ESRP1: variants seen among roughly 807,000 people sequenced by gnomAD.
The protein encoded by ESRP1 is epithelial splicing regulatory protein 1.
ESRP1 carries 33 observed loss-of-function variants against 81.7 expected under a neutral mutation model. That is an observed-to-expected ratio of 0.40 (90% CI 0.31 to 0.54). The LOEUF is 0.54. Among genes scored for constraint, ESRP1 ranks in the 20% least tolerant of loss-of-function variants. The pLI, the probability that ESRP1 is intolerant of heterozygous loss-of-function variation, is 0.41. For synonymous variants in ESRP1, 320 were observed against 303.3 expected, an observed-to-expected ratio of 1.06 and a Z score of -0.57; for missense variants, 672 against 833.1, an observed-to-expected ratio of 0.81 and a Z score of 2.38.
chr8:94,685,077 G>A (rs915824802), intron 13 of ESRP1, among the ~76,000 whole-genome samples: 2 of 151,194 alleles, frequency 1.3e-5, no homozygotes, highest in Non-Finnish European at 2.9e-5. Flanking sequence ...AATTGTGAAT[G>A]TTATCAATAC....
intron 10 of ESRP1, among the ~76,000 whole-genome samples, chr8:94,669,661 T>G (rs1819207744): frequency 6.6e-6 from 1 of 150,848 alleles, no homozygotes; most frequent in Non-Finnish European, 1.5e-5. Flanking sequence ...AGCTCAGGAG[T>G]TCAAAACCAG....
rs748797358 is a variant in ESRP1 at position 94,665,207 on chromosome 8, T to C, written c.931+11T>C. The C allele has an allele frequency of 6.2e-7, 1 of 1,611,028 alleles. No homozygotes were observed. On this transcript the variant is annotated intron_variant, in intron 9 of 15. Coordinates refer to ENST00000433389, the MANE Select transcript of ESRP1 (RefSeq NM_017697.4). ...TTAAAATTGCTGGTGGTAAGTGCCTTTTACATAATGTGGCTTTAGTTAATA... is the reference window on the plus strand; with the variant it reads ...TTAAAATTGCTGGTGGTAAGTGCCTCTTACATAATGTGGCTTTAGTTAATA...
At chr8:94,687,400 T>C (rs6471458) in intron 13 of ESRP1, among the ~76,000 whole-genome samples, 7,621 of 152,256 alleles carry the variant, frequency 0.05, 599 homozygotes, top group African/African-American at 0.17. Flanking sequence ...AACATATGCA[T>C]TCATGTTTCT....
chr8:94,683,970 C>T (rs1342767366), intron 13 of ESRP1, among the ~76,000 whole-genome samples: 2 of 152,168 alleles, frequency 1.3e-5, no homozygotes, highest in Non-Finnish European at 2.9e-5. Context: ...GCCGCAGCCT[C>T]CCGAGTAGCT....
At chr8:94,660,354 C>A (rs1818655732) in intron 4 of ESRP1, among the ~76,000 whole-genome samples, 1 of 152,180 alleles carries the variant, frequency 6.6e-6, no homozygotes, top group South Asian at 2.1e-4. Flanking sequence ...GTAATCCCAG[C>A]CCTTGGGCAG....
intron 13 of ESRP1, among the ~76,000 whole-genome samples, chr8:94,680,279 T>G (rs1202717879): frequency 1.3e-5 from 2 of 152,182 alleles, no homozygotes; most frequent in Non-Finnish European, 1.5e-5. Context: ...GTTATTTTAT[T>G]TTACATTTCC....
At position 94,643,541 on chromosome 8, in the gene ESRP1, G is replaced by A. The variant is rs990157857; in HGVS notation, c.375+125G>A. The A allele has an allele frequency of 2.0e-4, 119 of 607,642 alleles. 1 individual carries two copies. The highest frequency in any genetic ancestry group is 3.2e-4 in the Non-Finnish European group (108 of 342,576). 37.6% of individuals were successfully genotyped at this position (607,642 alleles called of 1,614,324 possible). Reference sequence around the variant, plus strand: ...AGATGCATATAGGGAGTTATTTAATGAGTACAGAATTTCAGTTTGGGAAGA... The same window carrying A: ...AGATGCATATAGGGAGTTATTTAATAAGTACAGAATTTCAGTTTGGGAAGA... On this transcript the variant is annotated intron_variant, in intron 3 of 15. Transcript: ENST00000433389.
chr8:94,662,475 G>T, intron 5 of ESRP1, 26 bp from the exon 6 acceptor site: 1 of 1,588,822 alleles, frequency 6.3e-7, no homozygotes, highest in South Asian at 1.2e-5. Flanking sequence ...TCACTAAAAT[G>T]ATGACTTTTA....
In ESRP1 at chr8:94,646,911, A is replaced by C. The variant is rs1817884699; in HGVS notation, c.490+629A>C. ...AATCATGAATGACCCGTCATCTTACATTCATTAAGTCTTTCAAATGCTAAC... is the reference window on the plus strand; with the variant it reads ...AATCATGAATGACCCGTCATCTTACCTTCATTAAGTCTTTCAAATGCTAAC... On this transcript the variant is annotated intron_variant, in intron 4 of 15. Transcript: ENST00000433389. Among the ~76,000 whole-genome samples, 3 of 152,228 alleles carry C rather than the reference A, an allele frequency of 2.0e-5. No individual in the cohort carries two copies. The South Asian group carries it at 6.2e-4, about 31-fold the overall frequency.
At chr8:94,668,852 G>A (rs1009738057) in intron 10 of ESRP1, among the ~76,000 whole-genome samples, 1 of 141,108 alleles carries the variant, frequency 7.1e-6, no homozygotes, top group Non-Finnish European at 1.5e-5. Context: ...GAGTGCAGTG[G>A]CGCAATCTCT....
At position 94,662,566 on chromosome 8, in the gene ESRP1, G is replaced by A; in HGVS notation, c.644+11G>A. 1 of 1,581,790 alleles carries A rather than the reference G, an allele frequency of 6.3e-7. No homozygotes were observed. Among genetic ancestry groups the A allele is most frequent in the Non-Finnish European group, 8.6e-7 (1 of 1,161,406 alleles). On this transcript the variant is annotated intron_variant, in intron 6 of 15. Coordinates refer to ENST00000433389, the MANE Select transcript of ESRP1 (RefSeq NM_017697.4). ...TGAAAGTGGAACTTGGTAAGTGCTT[G>A]AGTACTATTTATTTGAGCTTTTTAA...
chr8:94,641,997 G>T lies in ESRP1; in HGVS notation c.174G>T (p.Leu58Phe), dbSNP rs977591623. 2 of 1,614,014 alleles carry T rather than the reference G, an allele frequency of 1.2e-6. No homozygotes were observed. Among genetic ancestry groups the T allele is most frequent in the South Asian group, 1.1e-5 (1 of 91,086 alleles). ...AAGTGCTAGTTAGACCGGATCAGTT[G>T]GAACTGACGGAGGACTGCAAAGAAG... ...LHEVLVRPDQ[L>F]ELTEDCKEET... Residue 58 changes from leucine to phenylalanine, a missense_variant, in exon 2 of 16, where the codon TTG becomes TTT. Transcript: ENST00000433389.
chr8:94,694,918 C>G (rs1043988321), intron 14 of ESRP1, among the ~76,000 whole-genome samples: 4 of 152,216 alleles, frequency 2.6e-5, no homozygotes, highest in African/African-American at 9.6e-5. Context: ...CTTCGGTTAT[C>G]TAATTCAACG....
chr8:94,679,072 T>C (rs1808759127), intron 13 of ESRP1, among the ~76,000 whole-genome samples: 1 of 152,222 alleles, frequency 6.6e-6, no homozygotes, highest in East Asian at 1.9e-4. Context: ...ACCTAACCTG[T>C]CTGATCCTAC....
At chr8:94,664,160 A>G (rs1161970988) in intron 6 of ESRP1, among the ~76,000 whole-genome samples, 1 of 109,726 alleles carries the variant, frequency 9.1e-6, no homozygotes, top group Non-Finnish European at 1.7e-5. Context: ...GTCTTGCTCT[A>G]TTGCCCAGGC....
intron 13 of ESRP1, among the ~76,000 whole-genome samples, chr8:94,691,982 T>G (rs1809419534): frequency 2.0e-5 from 3 of 152,158 alleles, no homozygotes; most frequent in South Asian, 2.1e-4. Flanking sequence ...TGACTCAAGT[T>G]GTCACATAAA....
chr8:94,664,701 A>G lies in ESRP1; in HGVS notation c.649A>G (p.Lys217Glu). ...NYKFESGTCS[K>E]MELIDDNTVV... ...GAAGTTTTGCTTCATCCACAGCAGC[A>G]AGATGGAACTTATTGATGATAACAC... is the stretch of plus-strand genomic sequence containing the variant. The change falls in exon 7 of 16, where the codon AAG (lysine) becomes GAG (glutamate). Residue 217 changes from lysine (K) to glutamate (E), a missense_variant. Transcript: ENST00000433389. 6.2e-7 allele frequency: 1 copy of G among 1,613,514 alleles called. No individual in the cohort carries two copies. Among genetic ancestry groups the G allele is most frequent in the Non-Finnish European group, 8.5e-7 (1 of 1,179,470 alleles).
At chr8:94,662,445 C>T in intron 5 of ESRP1, 56 bp from the exon 6 acceptor site, 1 of 1,558,412 alleles carries the variant, frequency 6.4e-7, no homozygotes, top group Non-Finnish European at 8.7e-7. Context: ...AAATTTCCTC[C>T]TACAACTTTG....
intron 11 of ESRP1, among the ~76,000 whole-genome samples, chr8:94,672,604 C>T (rs957240365): frequency 6.6e-6 from 1 of 151,922 alleles, no homozygotes; most frequent in African/African-American, 2.4e-5. Flanking sequence ...GCAATCTCAG[C>T]TCACTGTAAT....
Sources: gnomAD v4.1 joint callset for allele counts (sites outside exome capture counted in the v4.1 genomes callset) on GRCh38, gnomAD v4.1.1 for gene constraint, MANE v1.5 for transcripts, NCBI Gene and HGNC (gene_info 2026-07-23, HGNC 2026-07-21) for gene names.